The following VMP1 variants were observed in gnomAD, a reference collection of about 807,000 sequenced individuals.
The protein encoded by VMP1 is ectopic P-granules autophagy protein 3 homolog.
In VMP1, 11 loss-of-function variants were observed where a neutral mutation model predicts 56.0. The observed-to-expected ratio is 0.20, with a 90% CI of 0.12 to 0.32. The LOEUF (loss-of-function observed/expected upper bound fraction) is 0.32. Ranked by LOEUF, VMP1 falls within the 10% of genes least tolerant of loss-of-function variation. The probability of loss-of-function intolerance (pLI) is 1.00; values close to 1 mark genes in which losing one functional copy is unlikely to be tolerated. For synonymous variants in VMP1, 149 were observed against 165.0 expected, an observed-to-expected ratio of 0.90 and a Z score of 0.74; for missense variants, 296 against 490.3, an observed-to-expected ratio of 0.60 and a Z score of 3.74.
chr17:59,750,191 G>A lies in VMP1; in HGVS notation c.414+11244G>A, dbSNP rs983730023. Among the ~76,000 whole-genome samples, 5 of 151,776 alleles carry A rather than the reference G, an allele frequency of 3.3e-5. No individual in the cohort carries two copies. The East Asian group carries it at 9.7e-4, about 29-fold the overall frequency. ...GTTTTATATTAAATATTAGTAAATCGTTTTATTTCTCCAGCAAATAAGTGC... is the reference window on the plus strand; with the variant it reads ...GTTTTATATTAAATATTAGTAAATCATTTTATTTCTCCAGCAAATAAGTGC... On this transcript the variant is annotated intron_variant, in intron 5 of 11. Transcript: ENST00000262291.
intron 5 of VMP1, 54 bp downstream of exon 5, chr17:59,739,001 G>C: frequency 1.4e-6 from 2 of 1,380,256 alleles, no homozygotes; most frequent in Non-Finnish European, 2.0e-6. Context: ...TCTTTTTATT[G>C]GTGCTTTTAT....
chr17:59,777,044 C>T (rs998688024), intron 7 of VMP1, among the ~76,000 whole-genome samples: 3 of 152,158 alleles, frequency 2.0e-5, no homozygotes, highest in Non-Finnish European at 2.9e-5. Context: ...ACTTTCCACT[C>T]GGTAACACAA....
chr17:59,824,694 G>A (rs1320537168), intron 10 of VMP1, among the ~76,000 whole-genome samples: 1 of 149,696 alleles, frequency 6.7e-6, no homozygotes, highest in Non-Finnish European at 1.5e-5. Context: ...CCAACATGGT[G>A]AAACCCCATC....
Position 59,792,854 on chromosome 17 carries a change from AAATAAT to A in VMP1, c.715-15923_715-15918del, listed in dbSNP as rs1157443211. Among the ~76,000 whole-genome samples the A allele has an allele frequency of 1.2e-4, 10 of 86,436 alleles. 3 individuals carry two copies. Among genetic ancestry groups the A allele is most frequent in the Non-Finnish European group, 2.2e-4 (8 of 36,896 alleles). 56.7% of individuals were successfully genotyped at this position (86,436 alleles called of 152,430 possible). A position where few individuals can be genotyped will look rare whatever the true frequency, so the allele number is the denominator to read the frequency against. On this transcript the variant is annotated intron_variant, in intron 7 of 11. Transcript: ENST00000262291. ...ACATGAGCAAAAACGCCATCTCAAA[AAATAAT>A]AATAATAATAATAATAATTATTATT...
intron 5 of VMP1, among the ~76,000 whole-genome samples, chr17:59,748,470 A>G (rs1039840362): frequency 6.6e-6 from 1 of 152,222 alleles, no homozygotes; most frequent in Admixed American, 6.5e-5. Context: ...CAATATTACT[A>G]GCTGTGTGAT....
intron 9 of VMP1, among the ~76,000 whole-genome samples, chr17:59,812,671 G>A (rs936678666): frequency 3.3e-5 from 5 of 152,136 alleles, no homozygotes; most frequent in Admixed American, 6.6e-5. Context: ...GGTGGCTCAC[G>A]CCTGTAATCC....
At chr17:59,817,794 T>C in intron 10 of VMP1, 21 bp downstream of exon 10, 2 of 1,566,150 alleles carry the variant, frequency 1.3e-6, no homozygotes, top group Non-Finnish European at 1.7e-6. Flanking sequence ...CTTCAAGGAC[T>C]AATATTAATA....
chr17:59,727,615 T>C (rs965987850), intron 1 of VMP1, among the ~76,000 whole-genome samples: 2 of 152,178 alleles, frequency 1.3e-5, no homozygotes, highest in Non-Finnish European at 2.9e-5. Flanking sequence ...TCAGTGCCCA[T>C]TGGAGACCCC....
chr17:59,769,439 A>G (rs2036351012), intron 6 of VMP1, among the ~76,000 whole-genome samples: 1 of 152,190 alleles, frequency 6.6e-6, no homozygotes, highest in South Asian at 2.1e-4. Context: ...ACCTTGCTGC[A>G]GATTTGCTTG....
intron 10 of VMP1, among the ~76,000 whole-genome samples, chr17:59,819,022 C>A (rs985041282): frequency 1.3e-5 from 2 of 151,888 alleles, no homozygotes; most frequent in Non-Finnish European, 2.9e-5. Flanking sequence ...TATGTTCATT[C>A]TTTTCTATGT....
rs570199250 is a variant in VMP1 at position 59,841,166 on chromosome 17, G to GT, written c.*1262dup. ...ATCTTAACAGGCCAGAAATGCCTGGGTTTTTTTGGTTTGTTTTTGTTTTTG... is the reference window on the plus strand; with the variant it reads ...ATCTTAACAGGCCAGAAATGCCTGGGTTTTTTTTGGTTTGTTTTTGTTTTTG... On this transcript the variant is annotated 3_prime_UTR_variant, in exon 12 of 12. Transcript: ENST00000262291. The GT allele has an allele frequency of 1.1e-3, 419 of 370,750 alleles. 6 individuals carry two copies. The highest frequency in any genetic ancestry group is 6.5e-3 in the South Asian group (293 of 45,076). 23.0% of individuals were successfully genotyped at this position (370,750 alleles called of 1,614,324 possible). A position where few individuals can be genotyped will look rare whatever the true frequency, so the allele number is the denominator to read the frequency against.
intron 6 of VMP1, among the ~76,000 whole-genome samples, chr17:59,768,771 A>G (rs1308186966): frequency 6.6e-6 from 1 of 152,120 alleles, no homozygotes; most frequent in Non-Finnish European, 1.5e-5. Context: ...GCATGAGGTC[A>G]GAAGTTCAAG....
chr17:59,748,260 A>G (rs2143889410), intron 5 of VMP1, among the ~76,000 whole-genome samples: 1 of 152,304 alleles, frequency 6.6e-6, no homozygotes, highest in South Asian at 2.1e-4. Flanking sequence ...TGGAGGACAT[A>G]ACTCCTATGG....
At chr17:59,774,473 C>T (rs536697698) in intron 7 of VMP1, among the ~76,000 whole-genome samples, 3 of 152,000 alleles carry the variant, frequency 2.0e-5, no homozygotes, top group Non-Finnish European at 4.4e-5. Context: ...TCTATAGTGG[C>T]CCTTTCCTCC....
intron 7 of VMP1, among the ~76,000 whole-genome samples, chr17:59,788,222 C>T (rs1459421355): frequency 2.0e-5 from 3 of 152,268 alleles, no homozygotes; most frequent in Admixed American, 1.3e-4. Context: ...GGCGCGTTGG[C>T]TCAGGCCTGT....
At chr17:59,822,390 G>A (rs997973315) in intron 10 of VMP1, among the ~76,000 whole-genome samples, 2 of 146,718 alleles carry the variant, frequency 1.4e-5, no homozygotes, top group South Asian at 2.2e-4. Flanking sequence ...GTGCAGTGGT[G>A]TGATCTCAGC....
At chr17:59,827,866 C>G in intron 10 of VMP1, among the ~76,000 whole-genome samples, 1 of 151,898 alleles carries the variant, frequency 6.6e-6, no homozygotes, top group Non-Finnish European at 1.5e-5. Context: ...CCCGGGAGGT[C>G]AAGGCTGCAG....
At chr17:59,799,856 G>A (rs1481719206) in intron 7 of VMP1, among the ~76,000 whole-genome samples, 3 of 151,448 alleles carry the variant, frequency 2.0e-5, no homozygotes, top group African/African-American at 4.9e-5. Flanking sequence ...CCAGCTACTC[G>A]GGAGGCTGAG....
chr17:59,770,990 GT>G (rs375707243), intron 6 of VMP1, among the ~76,000 whole-genome samples: 168 of 140,174 alleles, frequency 1.2e-3, no homozygotes, highest in Middle Eastern at 3.7e-3. Flanking sequence ...GATAAATTGT[GT>G]TTTTTTTTTT....
Sources: allele counts gnomAD v4.1 joint callset (sites outside exome capture counted in the v4.1 genomes callset), GRCh38; gene constraint gnomAD v4.1.1; transcripts MANE v1.5; gene names NCBI Gene and HGNC (gene_info 2026-07-23, HGNC 2026-07-21).